C11orf98: variants seen among roughly 807,000 people sequenced by gnomAD.
C11orf98 encodes 28S rRNA/ribosome and sororin micro-cofactor.
In C11orf98, 7 loss-of-function variants were observed where a neutral mutation model predicts 10.9. That is an observed-to-expected ratio of 0.64 (90% CI 0.37 to 1.21). The LOEUF is 1.21. C11orf98 is among the 50% of genes most tolerant of loss of function. The pLI is 0.02. For missense variants in C11orf98, 181 were observed against 153.7 expected (o/e 1.18, Z -0.94); for synonymous variants, 70 against 57.2 (o/e 1.22, Z -1.01).
In C11orf98 at chr11:62,665,026, G is replaced by A. The variant is rs1309935210; in HGVS notation, c.40-53C>T. The A allele has an allele frequency of 2.5e-6, 4 of 1,600,072 alleles. No homozygotes were observed. The East Asian group carries it at 6.7e-5, about 27-fold the overall frequency. On this transcript the variant is annotated intron_variant, in intron 1 of 3. Transcript: ENST00000524958. Reference sequence around the variant, plus strand: ...TGGAGTGGGCTCGCCGCGACCCGGGGCCCCTCCACCAGGCAGCCCCGGCCC... The same window carrying A: ...TGGAGTGGGCTCGCCGCGACCCGGGACCCCTCCACCAGGCAGCCCCGGCCC...
At chr11:62,664,808 C>T (rs776488982) in intron 2 of C11orf98, 41 bp downstream of exon 2, 4 of 1,550,444 alleles carry the variant, frequency 2.6e-6, no homozygotes, top group South Asian at 2.4e-5. Context: ...GGAAGGAAGA[C>T]TCGGTGGGGA....
At chr11:62,664,722 C>T in intron 2 of C11orf98, 127 bp downstream of exon 2, 1 of 1,258,714 alleles carries the variant, frequency 7.9e-7, no homozygotes, top group Admixed American at 2.5e-5. Flanking sequence ...AACTAACAGC[C>T]GACAGACATT....
intron 2 of C11orf98, among the ~76,000 whole-genome samples, chr11:62,664,082 GAAAAAAA>G (rs71056540): frequency 9.1e-5 from 6 of 65,940 alleles, no homozygotes; most frequent in South Asian, 6.4e-4. Flanking sequence ...CAAAAAAGAG[GAAAAAAA>G]AAAAAAAAAA....
intron 2 of C11orf98, among the ~76,000 whole-genome samples, chr11:62,663,923 A>C (rs1256385862): frequency 3.4e-5 from 5 of 147,880 alleles, no homozygotes; most frequent in African/African-American, 1.2e-4. Context: ...AAATACAAAA[A>C]TTAGCCGGGT....
intron 2 of C11orf98, among the ~76,000 whole-genome samples, chr11:62,664,489 C>A (rs1257192773): frequency 6.6e-6 from 1 of 151,838 alleles, no homozygotes; most frequent in Non-Finnish European, 1.5e-5. Flanking sequence ...GGCCACAACG[C>A]CTGGCTAATT....
chr11:62,664,238 T>G (rs754679148), intron 2 of C11orf98, among the ~76,000 whole-genome samples: 79 of 151,942 alleles, frequency 5.2e-4, no homozygotes, highest in Non-Finnish European at 9.6e-4. Flanking sequence ...TGCACTTTTC[T>G]GTATGTAAAA....
intron 2 of C11orf98, 139 bp from the exon 3 acceptor site, chr11:62,663,472 C>T (rs993722241): frequency 5.7e-5 from 46 of 801,104 alleles, no homozygotes; most frequent in Middle Eastern, 4.0e-4. Context: ...TTTGGGAGGC[C>T]GAGGCGGCTG....
At position 62,665,166 on chromosome 11, in the gene C11orf98, C is replaced by T. The variant is rs1374469292; in HGVS notation, c.4G>A (p.Gly2Arg). M[G>R]APGGKINRPR... ...CGGTTGATCTTTCCCCCCGGAGCTC[C>T]CATAGTCGCGATTCCACTCCAGTTC... The change falls in exon 1 of 4, where the codon GGA becomes AGA. Residue 2 changes from glycine to arginine, a missense_variant. By Grantham distance (125) the Gly-to-Arg change is moderately radical. Coordinates refer to ENST00000524958, the MANE Select transcript of C11orf98 (RefSeq NM_001286086.2). The T allele has an allele frequency of 4.5e-6, 4 of 892,384 alleles. No individual in the cohort carries two copies. The highest frequency in any genetic ancestry group is 5.3e-5 in the East Asian group (2 of 38,076). 55.3% of individuals were successfully genotyped at this position (892,384 alleles called of 1,614,324 possible). A position where few individuals can be genotyped will look rare whatever the true frequency, so the allele number is the denominator to read the frequency against.
chr11:62,663,789 T>C (rs1204236756), intron 2 of C11orf98, among the ~76,000 whole-genome samples: 7 of 149,680 alleles, frequency 4.7e-5, no homozygotes, highest in Non-Finnish European at 1.0e-4. Context: ...TGAAAGGACA[T>C]AGATCGGGGG....
At chr11:62,664,574 G>A (rs1590845636) in intron 2 of C11orf98, among the ~76,000 whole-genome samples, 1 of 151,988 alleles carries the variant, frequency 6.6e-6, no homozygotes, top group Non-Finnish European at 1.5e-5. Context: ...CAGGTGATCC[G>A]CCCACCTCAG....
chr11:62,664,874 T>C lies in C11orf98; in HGVS notation c.139A>G (p.Thr47Ala). Reference sequence around the variant, plus strand: ...GCCCGCTTCTTGAGGTGGTGCCGCGTGATCAGCCCTTGGTCTATCACAGCC... The same window carrying C: ...GCCCGCTTCTTGAGGTGGTGCCGCGCGATCAGCCCTTGGTCTATCACAGCC... ...VGAVIDQGLI[T>A]RHHLKKRASS... is the part of the protein sequence containing the mutation. The change falls in exon 2 of 4, where the codon ACG becomes GCG. Residue 47 changes from threonine to alanine, a missense_variant. Coordinates refer to ENST00000524958, the MANE Select transcript of C11orf98 (RefSeq NM_001286086.2). 2 of 1,580,284 alleles carry C rather than the reference T, an allele frequency of 1.3e-6. No individual in the cohort carries two copies. Among genetic ancestry groups the C allele is most frequent in the Admixed American group, 1.8e-5 (1 of 54,460 alleles).
chr11:62,664,994 A>C, intron 1 of C11orf98, 21 bp from the exon 2 acceptor site: 1 of 1,607,812 alleles, frequency 6.2e-7, no homozygotes, highest in Non-Finnish European at 8.5e-7. Flanking sequence ...GAAAGATGCG[A>C]ATCAGATGGA....
chr11:62,663,591 G>A (rs1055341881), intron 2 of C11orf98, among the ~76,000 whole-genome samples: 2 of 151,882 alleles, frequency 1.3e-5, no homozygotes, highest in East Asian at 1.9e-4. Flanking sequence ...CTACTCGGGA[G>A]GCTGCGGCAG....
In C11orf98 at chr11:62,663,116, G is replaced by C; in HGVS notation, c.306C>G (p.Leu102=). 6.2e-7 allele frequency: 1 copy of C among 1,614,026 alleles called. No individual in the cohort carries two copies. The highest frequency in any genetic ancestry group is 8.5e-7 in the Non-Finnish European group (1 of 1,179,950). The change falls in exon 4 of 4, where the codon CTC becomes CTG. Residue 102 remains leucine (L), a synonymous_variant. Coordinates refer to ENST00000524958, the MANE Select transcript of C11orf98 (RefSeq NM_001286086.2). ...SKPARTSEPQ[L]KRQKKTKAPQ... The stretch of plus-strand genomic sequence containing the variant: ...GGGCTTTTGTCTTCTTTTGCCTTTT[G>C]AGCTGTGGTTCACTAGTCCTGGCTG...
intron 2 of C11orf98, 121 bp from the exon 3 acceptor site, chr11:62,663,454 C>T (rs1005510640): frequency 1.1e-4 from 118 of 1,028,488 alleles, no homozygotes; most frequent in Admixed American, 1.4e-4. Flanking sequence ...CGCCTGTAAT[C>T]CCAGCACTTT....
In C11orf98 at chr11:62,664,905, CA is replaced by C. The variant is rs1277823056; in HGVS notation, c.107del (p.Val36GlyfsTer5). 1 of 1,598,116 alleles carries C rather than the reference CA, an allele frequency of 6.3e-7. No homozygotes were observed. Among genetic ancestry groups the C allele is most frequent in the South Asian group, 1.1e-5 (1 of 88,900 alleles). ...GCCCTTGGTCTATCACAGCCCCGACCACCCGGTGCCTCAGACGCCGCTCCCG... is the reference window on the plus strand; with the variant it reads ...GCCCTTGGTCTATCACAGCCCCGACCCCCGGTGCCTCAGACGCCGCTCCCG... ...LNRERRLRHR[V>X]VGAVIDQGLI... On this transcript the variant is annotated frameshift_variant, in exon 2 of 4. Coordinates refer to ENST00000524958, the MANE Select transcript of C11orf98 (RefSeq NM_001286086.2). LOFTEE classifies it high-confidence loss of function.
rs1354586077 is a variant in C11orf98 at position 62,665,092 on chromosome 11, A to G, written c.39+39T>C. 2.1e-6 allele frequency: 3 copies of G among 1,447,194 alleles called. No individual in the cohort carries two copies. In the African/African-American group the frequency reaches 4.2e-5, roughly 20 times the overall value. The allele number at this position is 1,447,194 out of a possible 1,614,324, so 89.6% of individuals were successfully genotyped here. On this transcript the variant is annotated intron_variant, in intron 1 of 3. Transcript: ENST00000524958. ...TCGTGCGAGATAAAAGGGCTCAGGA[A>G]CGCTTGAGGAAACAAAGTCGCGGCC... is the stretch of plus-strand genomic sequence containing the variant.
rs751270075 is a variant in C11orf98, at chr11:62,663,109, G to C, written c.313C>G (p.Gln105Glu). 10 of 1,613,740 alleles carry C rather than the reference G, an allele frequency of 6.2e-6. No individual in the cohort carries two copies. The African/African-American group carries it at 1.2e-4, about 19-fold the overall frequency. Residue 105 changes from glutamine (Q) to glutamate (E), a missense_variant, in exon 4 of 4, where the codon CAA becomes GAA. Gln to Glu is a conservative substitution (Grantham distance 29, BLOSUM62 2). Coordinates refer to ENST00000524958, the MANE Select transcript of C11orf98 (RefSeq NM_001286086.2). ...ARTSEPQLKR[Q>E]KKTKAPQDVE... is the part of the protein sequence containing the mutation. ...TCCTGGGGGGCTTTTGTCTTCTTTT[G>C]CCTTTTGAGCTGTGGTTCACTAGTC...
chr11:62,663,147 G>A lies in C11orf98; in HGVS notation c.275C>T (p.Ser92Leu). The A allele has an allele frequency of 1.9e-6, 3 of 1,614,116 alleles. No individual in the cohort carries two copies. The highest frequency in any genetic ancestry group is 2.5e-6 in the Non-Finnish European group (3 of 1,180,012). ...EKTAMEVEAPSKPARTSEPQL... is the reference protein window; with the variant it reads ...EKTAMEVEAPLKPARTSEPQL... ...TGGTTCACTAGTCCTGGCTGGCTTT[G>A]AAGGGGCTTCCACTGAGTAAAGGGA... Residue 92 changes from serine (S) to leucine (L), a missense_variant, in exon 4 of 4, where the codon TCA becomes TTA. Coordinates refer to ENST00000524958, the MANE Select transcript of C11orf98 (RefSeq NM_001286086.2).
Sources: allele counts gnomAD v4.1 joint callset (sites outside exome capture counted in the v4.1 genomes callset), GRCh38; gene constraint gnomAD v4.1.1; transcripts MANE v1.5; gene names NCBI Gene and HGNC (gene_info 2026-07-23, HGNC 2026-07-21).